Variants in SLC7A2 observed in about 807,000 individuals in gnomAD.
SLC7A2 encodes cationic amino acid transporter 2.
A neutral mutation model predicts 58.9 loss-of-function variants in SLC7A2; 48 were observed. The observed-to-expected ratio is 0.82, with a 90% CI of 0.65 to 1.04. The LOEUF (loss-of-function observed/expected upper bound fraction) is 1.04, where lower values mean the gene tolerates loss of function less well. Among genes scored for constraint, SLC7A2 ranks in the 50% least tolerant of loss-of-function variants. The pLI is 0.00. For synonymous variants in SLC7A2, 363 were observed against 314.5 expected, an observed-to-expected ratio of 1.15 and a Z score of -1.63; for missense variants, 1,029 against 818.8, an observed-to-expected ratio of 1.26 and a Z score of -3.13.
At chr8:17,502,191 G>GA (rs144145677) in intron 1 of SLC7A2, 66 bp from the exon 2 acceptor site, 35,516 of 149,944 alleles carry the variant, frequency 0.24, 5,067 homozygotes, top group Non-Finnish European at 0.33. Flanking sequence ...GTGGAGGTTT[G>GA]AAAAAAAAAG....
intron 2 of SLC7A2, among the ~76,000 whole-genome samples, chr8:17,526,086 C>A (rs1801212261): frequency 6.6e-6 from 1 of 151,958 alleles, no homozygotes; most frequent in African/African-American, 2.4e-5. Context: ...TGGACTGTAA[C>A]CCTAAAAGGT....
At chr8:17,508,143 A>G (rs1466157450) in intron 2 of SLC7A2, among the ~76,000 whole-genome samples, 1 of 151,940 alleles carries the variant, frequency 6.6e-6, no homozygotes, top group African/African-American at 2.4e-5. Flanking sequence ...ATTATCATAG[A>G]TAACAGATGG....
chr8:17,505,092 G>T (rs1042891127), intron 2 of SLC7A2, among the ~76,000 whole-genome samples: 1 of 81,292 alleles, frequency 1.2e-5, no homozygotes, highest in African/African-American at 4.5e-5. Context: ...CCCCCCCGCC[G>T]CCCACCCGAT....
intron 2 of SLC7A2, among the ~76,000 whole-genome samples, chr8:17,542,153 A>G (rs538825398): frequency 2.0e-4 from 30 of 152,348 alleles, no homozygotes; most frequent in African/African-American, 6.7e-4. Flanking sequence ...TAAAAATTCT[A>G]AAAAGTTCAC....
chr8:17,513,905 C>T (rs1354202209), intron 2 of SLC7A2, among the ~76,000 whole-genome samples: 1 of 152,174 alleles, frequency 6.6e-6, no homozygotes, highest in Non-Finnish European at 1.5e-5. Context: ...CTCAACATTT[C>T]TACCTCTAAA....
intron 2 of SLC7A2, among the ~76,000 whole-genome samples, chr8:17,536,211 G>A (rs1407283353): frequency 6.6e-6 from 1 of 152,096 alleles, no homozygotes; most frequent in African/African-American, 2.4e-5. Flanking sequence ...TTCCAACAGT[G>A]GGCATTGGGA....
rs1276057556 is a variant in SLC7A2, at chr8:17,565,092, C to A, written c.1923C>A (p.His641Gln). The A allele has an allele frequency of 6.2e-7, 1 of 1,613,888 alleles. No individual in the cohort carries two copies. The highest frequency in any genetic ancestry group is 1.1e-5 in the South Asian group (1 of 91,028). ...CTGCCATTCAAGCAAATGACCATCA[C>A]CCAAGAAATCTCAGTTCACCTTTCA... is the stretch of plus-strand genomic sequence containing the variant. ...EKSAIQANDH[H>Q]PRNLSSPFIF... Residue 641 changes from histidine (H) to glutamine (Q), a missense_variant, in exon 13 of 13, where the codon CAC becomes CAA. Transcript: ENST00000494857.
rs1563464959 is a variant in SLC7A2, at chr8:17,543,520, A to C, written c.181A>C (p.Lys61Gln). ...GVYVLAGEVAKADSGPSIVVS... is the reference protein window; with the variant it reads ...GVYVLAGEVAQADSGPSIVVS... Reference sequence around the variant, plus strand: ...TTATGTCCTCGCTGGGGAGGTGGCCAAGGCAGACTCGGGCCCCAGCATCGT... The same window carrying C: ...TTATGTCCTCGCTGGGGAGGTGGCCCAGGCAGACTCGGGCCCCAGCATCGT... The change falls in exon 3 of 13, where the codon AAG (lysine) becomes CAG (glutamine). Residue 61 changes from lysine to glutamine, a missense_variant. Coordinates refer to ENST00000494857, the MANE Select transcript of SLC7A2 (RefSeq NM_001370338.1). 1 of 1,613,742 alleles carries C rather than the reference A, an allele frequency of 6.2e-7. No individual in the cohort carries two copies. Among genetic ancestry groups the C allele is most frequent in the Non-Finnish European group, 8.5e-7 (1 of 1,179,836 alleles).
intron 7 of SLC7A2, among the ~76,000 whole-genome samples, chr8:17,553,089 CTG>C (rs1421969679): frequency 6.6e-6 from 1 of 152,172 alleles, no homozygotes; most frequent in South Asian, 2.1e-4. Context: ...GGGTCTTGCT[CTG>C]TCAAGCAGGC....
At chr8:17,561,444 G>A (rs149919661) in intron 10 of SLC7A2, among the ~76,000 whole-genome samples, 278 of 152,224 alleles carry the variant, frequency 1.8e-3, no homozygotes, top group African/African-American at 5.7e-3. Flanking sequence ...GGGGGAAACC[G>A]CTTACTGTTC....
At chr8:17,562,876 C>A (rs183141478) in intron 11 of SLC7A2, among the ~76,000 whole-genome samples, 1 of 152,174 alleles carries the variant, frequency 6.6e-6, no homozygotes, top group Non-Finnish European at 1.5e-5. Flanking sequence ...TGTGGTGCCT[C>A]ACACCTGTAA....
chr8:17,538,697 A>T, intron 2 of SLC7A2: 14 of 1,134,020 alleles, frequency 1.2e-5, no homozygotes, highest in Non-Finnish European at 1.7e-5. Context: ...ACATTGCAAA[A>T]TAAAAAAGAT....
intron 2 of SLC7A2, among the ~76,000 whole-genome samples, chr8:17,532,188 C>G (rs1298004558): frequency 1.5e-5 from 2 of 130,626 alleles, no homozygotes; most frequent in Non-Finnish European, 3.1e-5. Context: ...TGAGATTGCG[C>G]CACTACACTC....
At chr8:17,528,897 A>T (rs979692476) in intron 2 of SLC7A2, among the ~76,000 whole-genome samples, 4 of 152,128 alleles carry the variant, frequency 2.6e-5, no homozygotes, top group Non-Finnish European at 5.9e-5. Flanking sequence ...AGAAGACAGG[A>T]TGTCCTTGAA....
At chr8:17,542,015 A>G (rs1298308150) in intron 2 of SLC7A2, among the ~76,000 whole-genome samples, 1 of 152,166 alleles carries the variant, frequency 6.6e-6, no homozygotes, top group Non-Finnish European at 1.5e-5. Flanking sequence ...AATATTTGGC[A>G]TGGACTTTGG....
At chr8:17,538,983 C>A in intron 2 of SLC7A2, 1 of 1,446,256 alleles carries the variant, frequency 6.9e-7, no homozygotes, top group Non-Finnish European at 9.7e-7. Flanking sequence ...AAATGTCAAC[C>A]TTTACTTAGG....
rs1434714775 is a variant in SLC7A2 at position 17,569,643 on chromosome 8, G to T, written c.*4497G>T. On this transcript the variant is annotated 3_prime_UTR_variant, in exon 13 of 13. Transcript: ENST00000494857. Reference sequence around the variant, plus strand: ...AGAAGCCTGATCTGTTATTGTTGTGGTTGTTGGTGTTTGTAATATTCATTA... The same window carrying T: ...AGAAGCCTGATCTGTTATTGTTGTGTTTGTTGGTGTTTGTAATATTCATTA... The T allele has an allele frequency of 6.6e-6, 1 of 152,056 alleles. No individual in the cohort carries two copies. The highest frequency in any genetic ancestry group is 6.6e-5 in the Admixed American group (1 of 15,264). 9.4% of individuals were successfully genotyped at this position (152,056 alleles called of 1,614,324 possible).
chr8:17,538,935 GT>G (rs1563460116), intron 2 of SLC7A2: 2 of 1,599,570 alleles, frequency 1.3e-6, no homozygotes, highest in South Asian at 2.3e-5. Context: ...AAGATTTATT[GT>G]CAGGGCCTGG....
intron 8 of SLC7A2, chr8:17,555,189 A>AG: frequency 1.0e-6 from 1 of 974,812 alleles, no homozygotes; most frequent in Admixed American, 2.7e-5. Flanking sequence ...GTTAAAAAAA[A>AG]CAAAATCACT....
Sources: gnomAD v4.1 joint callset for allele counts (sites outside exome capture counted in the v4.1 genomes callset) on GRCh38, gnomAD v4.1.1 for gene constraint, MANE v1.5 for transcripts, NCBI Gene and HGNC (gene_info 2026-07-23, HGNC 2026-07-21) for gene names.